Variants in MLLT3 observed in about 807,000 individuals in gnomAD.
MLLT3 encodes the protein MLLT3 super elongation complex subunit.
In MLLT3, 4 loss-of-function variants were observed where a neutral mutation model predicts 53.2. The ratio of observed to expected loss-of-function variants is 0.08; its 90% CI spans 0.04 to 0.17. The LOEUF is 0.17. MLLT3 is among the 10% of genes least tolerant of loss of function. MLLT3 has a pLI of 1.00. For synonymous variants in MLLT3, 283 were observed against 230.6 expected (o/e 1.23, Z -2.06); for missense variants, 569 against 684.0 (o/e 0.83, Z 1.87).
At chr9:20,474,445 A>T (rs1824472059) in intron 2 of MLLT3, among the ~76,000 whole-genome samples, 1 of 152,048 alleles carries the variant, frequency 6.6e-6, no homozygotes, top group African/African-American at 2.4e-5. Flanking sequence ...CTCTCAAGGT[A>T]TTGCTGTTAA....
At chr9:20,371,487 GA>G (rs1307892793) in intron 5 of MLLT3, among the ~76,000 whole-genome samples, 1 of 152,178 alleles carries the variant, frequency 6.6e-6, no homozygotes, top group Non-Finnish European at 1.5e-5. Context: ...TTAGTATTCT[GA>G]AAATATCCTA....
intron 4 of MLLT3, among the ~76,000 whole-genome samples, chr9:20,433,438 C>T (rs753720310): frequency 2.0e-5 from 3 of 152,060 alleles, no homozygotes; most frequent in Non-Finnish European, 2.9e-5. Flanking sequence ...GGGATATTTA[C>T]ATCTTCTCAA....
intron 2 of MLLT3, among the ~76,000 whole-genome samples, chr9:20,469,313 T>C (rs1448411340): frequency 4.6e-5 from 7 of 152,248 alleles, no homozygotes; most frequent in Middle Eastern, 3.4e-3. Flanking sequence ...AATGGTAAAA[T>C]AGAAAATTAA....
At chr9:20,561,393 G>A (rs1158822744) in intron 2 of MLLT3, among the ~76,000 whole-genome samples, 1 of 152,056 alleles carries the variant, frequency 6.6e-6, no homozygotes, top group Non-Finnish European at 1.5e-5. Context: ...ATAAATTCGT[G>A]TAATTAAAAC....
At chr9:20,375,348 G>C (rs1821732490) in intron 5 of MLLT3, among the ~76,000 whole-genome samples, 1 of 152,224 alleles carries the variant, frequency 6.6e-6, no homozygotes, top group Non-Finnish European at 1.5e-5. Context: ...ATTTAAAGCA[G>C]TGTTCTGAAC....
chr9:20,465,013 T>A (rs575507351), intron 2 of MLLT3, among the ~76,000 whole-genome samples: 1 of 152,202 alleles, frequency 6.6e-6, no homozygotes, highest in African/African-American at 2.4e-5. Context: ...TAGACATAAT[T>A]CTTGGGAATT....
intron 2 of MLLT3, among the ~76,000 whole-genome samples, chr9:20,552,596 G>A (rs1818951814): frequency 6.6e-6 from 1 of 152,092 alleles, no homozygotes. Flanking sequence ...TGAGCCCAGT[G>A]ATAGGTGTGA....
rs534648239 is a variant in MLLT3, at chr9:20,470,407, G to A, written c.194-13621C>T. 3.9e-4 allele frequency among the ~76,000 whole-genome samples: 59 copies of A among 151,932 alleles called. 1 individual carries two copies. The South Asian group carries it at 0.011, about 27-fold the overall frequency. ...TGCTCTCCCTGTGTGTTGTCATTTC[G>A]TATGTTGAAAACCCACTATCTAATT... On this transcript the variant is annotated intron_variant, in intron 2 of 10. Transcript: ENST00000380338.
rs535512009 is a variant in MLLT3, at chr9:20,447,172, A to G, written c.420+951T>C. ...GGTTGTTCATGTATCCAATAAAGAAAACTGTGCCACAAAAAAACCACCTGC... is the reference window on the plus strand; with the variant it reads ...GGTTGTTCATGTATCCAATAAAGAAGACTGTGCCACAAAAAAACCACCTGC... On this transcript the variant is annotated intron_variant, in intron 4 of 10. Coordinates refer to ENST00000380338, the MANE Select transcript of MLLT3 (RefSeq NM_004529.4). Among the ~76,000 whole-genome samples, 5 of 152,276 alleles carry G rather than the reference A, an allele frequency of 3.3e-5. No individual in the cohort carries two copies. The South Asian group carries it at 1.0e-3, about 32-fold the overall frequency.
At chr9:20,449,410 T>G (rs1823787422) in intron 3 of MLLT3, among the ~76,000 whole-genome samples, 1 of 152,196 alleles carries the variant, frequency 6.6e-6, no homozygotes, top group Non-Finnish European at 1.5e-5. Context: ...GGTTCAACTC[T>G]CAAGCTGTTA....
At chr9:20,348,451 G>A (rs1240908795) in intron 10 of MLLT3, among the ~76,000 whole-genome samples, 2 of 152,198 alleles carry the variant, frequency 1.3e-5, no homozygotes, top group African/African-American at 4.8e-5. Flanking sequence ...GTGCTTGGAA[G>A]TGCAGCAGCT....
chr9:20,610,607 A>G (rs1404916291), intron 2 of MLLT3, among the ~76,000 whole-genome samples: 1 of 152,152 alleles, frequency 6.6e-6, no homozygotes, highest in African/African-American at 2.4e-5. Flanking sequence ...AAAAAATTCC[A>G]GGGTCAAGAC....
Position 20,621,006 on chromosome 9 carries a change from A to C in MLLT3, c.13-172T>G. The C allele has an allele frequency of 2.5e-6, 2 of 808,156 alleles. No individual in the cohort carries two copies. Among genetic ancestry groups the C allele is most frequent in the Non-Finnish European group, 4.1e-6 (2 of 486,124 alleles). 50.1% of individuals were successfully genotyped at this position (808,156 alleles called of 1,614,324 possible). A position where few individuals can be genotyped will look rare whatever the true frequency, so the allele number is the denominator to read the frequency against. On this transcript the variant is annotated intron_variant, in intron 1 of 10. Coordinates refer to ENST00000380338, the MANE Select transcript of MLLT3 (RefSeq NM_004529.4). This position sits in a 1 kb window ranked among gnomAD's most constrained non-coding sequence, Gnocchi z 7.0. ...TGGGCGCGCACACTCCACACCCCCAAATATACCCGCCCGCCCGGCCCGGCT... is the reference window on the plus strand; with the variant it reads ...TGGGCGCGCACACTCCACACCCCCACATATACCCGCCCGCCCGGCCCGGCT...
chr9:20,360,965 C>G (rs1821307742), intron 7 of MLLT3, 124 bp from the exon 8 acceptor site: 3 of 760,690 alleles, frequency 3.9e-6, no homozygotes, highest in Non-Finnish European at 6.8e-6. Context: ...TTTTAACTCA[C>G]AGCCGCTAAC....
At chr9:20,404,984 T>A (rs957941754) in intron 5 of MLLT3, among the ~76,000 whole-genome samples, 1 of 152,098 alleles carries the variant, frequency 6.6e-6, no homozygotes, top group African/African-American at 2.4e-5. Flanking sequence ...TTATTATAAT[T>A]TTTTTCTGAC....
intron 2 of MLLT3, among the ~76,000 whole-genome samples, chr9:20,520,822 A>C (rs148595687): frequency 1.1e-4 from 17 of 152,256 alleles, no homozygotes; most frequent in Non-Finnish European, 2.1e-4. Flanking sequence ...GGAATAGCAA[A>C]GTGTTAGAAG....
At position 20,536,684 on chromosome 9, in the gene MLLT3, CT is replaced by C. The variant is rs1253052322; in HGVS notation, c.194-79899del. On this transcript the variant is annotated intron_variant, in intron 2 of 10. Transcript: ENST00000380338. The stretch of plus-strand genomic sequence containing the variant: ...ATTTTAAATTGGATTACTGATGAGT[CT>C]TCCTGAAGGGTAATCTTTTGTAGTA... Among the ~76,000 whole-genome samples the C allele has an allele frequency of 3.3e-5, 5 of 152,114 alleles. No homozygotes were observed. In the East Asian group the frequency reaches 9.6e-4, roughly 29 times the overall value.
chr9:20,522,700 G>T (rs962439660), intron 2 of MLLT3, among the ~76,000 whole-genome samples: 2 of 152,026 alleles, frequency 1.3e-5, no homozygotes, highest in Non-Finnish European at 1.5e-5. Flanking sequence ...AATTGCAAGG[G>T]ATGCTGTCAA....
chr9:20,598,754 G>A (rs1286063739), intron 2 of MLLT3, among the ~76,000 whole-genome samples: 1 of 152,186 alleles, frequency 6.6e-6, no homozygotes, highest in East Asian at 1.9e-4. Context: ...CTATTTAAGT[G>A]AAACCAAATA....
Sources: gnomAD v4.1 joint callset for allele counts (sites outside exome capture counted in the v4.1 genomes callset) on GRCh38, gnomAD v4.1.1 for gene constraint, Gnocchi (gnomAD v3.1) non-coding constraint, MANE v1.5 for transcripts, NCBI Gene and HGNC (gene_info 2026-07-23, HGNC 2026-07-21) for gene names.